Variants in AGAP4 observed in about 807,000 individuals in gnomAD.
AGAP4 encodes the protein arf-GAP with GTPase, ANK repeat and PH domain-containing protein 4.
A neutral mutation model predicts 60.7 loss-of-function variants in AGAP4; 13 were observed. The ratio of observed to expected loss-of-function variants is 0.21; its 90% CI spans 0.14 to 0.34. The LOEUF (loss-of-function observed/expected upper bound fraction) is 0.34. Among genes scored for constraint, AGAP4 ranks in the 10% least tolerant of loss-of-function variants. AGAP4 has a pLI of 1.00. For missense variants in AGAP4, 169 were observed against 884.0 expected (o/e 0.19, Z 10.26); for synonymous variants, 70 against 339.0 (o/e 0.21, Z 8.72).
At position 45,830,470 on chromosome 10, in the gene AGAP4, C is replaced by T. The variant is rs575520410; in HGVS notation, c.533+924G>A. On this transcript the variant is annotated intron_variant, in intron 6 of 7. Coordinates refer to ENST00000616763, the MANE Select transcript of AGAP4 (RefSeq NM_001276343.3). The stretch of plus-strand genomic sequence containing the variant: ...TACAGGTGTGAACCACTGCGCCCCA[C>T]CAGCTTATTGCTTTTTTTGTTTGTT... 6.9e-3 allele frequency among the ~76,000 whole-genome samples: 724 copies of T among 105,338 alleles called. 84 individuals are homozygous for T. The highest frequency in any genetic ancestry group is 0.01 in the Non-Finnish European group (505 of 49,640). 69.1% of individuals were successfully genotyped at this position (105,338 alleles called of 152,430 possible). A position where few individuals can be genotyped will look rare whatever the true frequency, so the allele number is the denominator to read the frequency against.
At chr10:45,848,241 AC>A (rs1226499993), upstream of AGAP4, among the ~76,000 whole-genome samples, 1 of 136,464 alleles carries the variant, frequency 7.3e-6, no homozygotes, top group African/African-American at 2.8e-5. Flanking sequence ...ACACCTTAGG[AC>A]CCATCCTGCC....
At chr10:45,847,992 T>G (rs1156972784), upstream of AGAP4, 284,005 of 1,011,588 alleles carry the variant, frequency 0.28, 41,125 homozygotes, top group South Asian at 0.52. Context: ...CTTGAAGCCA[T>G]CTTCCTCTAT....
Position 45,847,434 on chromosome 10 carries a change from G to A in AGAP4, c.-87C>T. The stretch of plus-strand genomic sequence containing the variant: ...CGCTGTCCTAGGCCGAGGCTATGCT[G>A]CACTTGCAGAGATGGTCTTCCCGCT... On this transcript the variant is annotated 5_prime_UTR_variant, in exon 1 of 8. Transcript: ENST00000616763. The A allele has an allele frequency of 6.5e-7, 1 of 1,534,014 alleles. No individual in the cohort carries two copies. Among genetic ancestry groups the A allele is most frequent in the Non-Finnish European group, 8.7e-7 (1 of 1,146,270 alleles).
chr10:45,842,681 C>T (rs782411204), intron 3 of AGAP4, among the ~76,000 whole-genome samples: 38,824 of 141,998 alleles, frequency 0.27, 4,833 homozygotes, highest in East Asian at 0.37. Flanking sequence ...TTGTTTCCTA[C>T]ACTGCCTCTG....
upstream of AGAP4, among the ~76,000 whole-genome samples, chr10:45,852,217 T>TAAAAAAAAAAAAAAAAAAAAAAA (rs781889843): frequency 1.1e-5 from 1 of 91,736 alleles, no homozygotes; most frequent in African/African-American, 5.5e-5. Flanking sequence ...GGCCAGACTT[T>TAAAAAAAAAAAAAAAAAAAAAAA]AAAAAAAAAA....
chr10:45,848,816 G>A (rs2059041060), upstream of AGAP4: 1 of 151,852 alleles, frequency 6.6e-6, no homozygotes, highest in Admixed American at 6.6e-5. Context: ...AATCATGGCA[G>A]AGGGGGAAGT....
Position 45,833,997 on chromosome 10 carries a change from G to T in AGAP4, c.497+19C>A. Reference sequence around the variant, plus strand: ...TTAGAATAAAGGAATCTGTCCCTCGGCAGCATAGTTGTACTCACGATATTA... The same window carrying T: ...TTAGAATAAAGGAATCTGTCCCTCGTCAGCATAGTTGTACTCACGATATTA... On this transcript the variant is annotated intron_variant, in intron 5 of 7. Coordinates refer to ENST00000616763, the MANE Select transcript of AGAP4 (RefSeq NM_001276343.3). 1 of 1,414,602 alleles carries T rather than the reference G, an allele frequency of 7.1e-7. No homozygotes were observed. Among genetic ancestry groups the T allele is most frequent in the Non-Finnish European group, 9.7e-7 (1 of 1,028,464 alleles). The allele number at this position is 1,414,602 out of a possible 1,614,324, so 87.6% of individuals were successfully genotyped here. A position where few individuals can be genotyped will look rare whatever the true frequency, so the allele number is the denominator to read the frequency against.
intron 4 of AGAP4, among the ~76,000 whole-genome samples, chr10:45,838,714 G>C (rs1554898264): frequency 6.6e-6 from 1 of 151,414 alleles, no homozygotes; most frequent in Non-Finnish European, 1.5e-5. Context: ...AATACGAAAG[G>C]CGCATGCCAC....
upstream of AGAP4, among the ~76,000 whole-genome samples, chr10:45,850,153 T>C (rs1197616863): frequency 6.6e-6 from 1 of 151,718 alleles, no homozygotes. Context: ...GATCTCGAAC[T>C]CCTGACCTCA....
chr10:45,853,689 G>A, exon 1 of AGAP4: 1 of 1,287,754 alleles, frequency 7.8e-7, no homozygotes, highest in Non-Finnish European at 1.0e-6. Flanking sequence ...GAAGCCCTTT[G>A]GATGTTGGTC....
At chr10:45,849,282 C>G (rs1266761976), upstream of AGAP4, among the ~76,000 whole-genome samples, 1 of 151,596 alleles carries the variant, frequency 6.6e-6, no homozygotes, top group Non-Finnish European at 1.5e-5. Context: ...CTGAATATCA[C>G]AAGAACAGCA....
upstream of AGAP4, among the ~76,000 whole-genome samples, chr10:45,851,160 G>T (rs1302199395): frequency 5.7e-4 from 86 of 152,048 alleles, 1 homozygote; most frequent in African/African-American, 2.1e-3. Context: ...AGCCATGGGT[G>T]TGGAGGTGAC....
intron 6 of AGAP4, among the ~76,000 whole-genome samples, chr10:45,828,613 C>A (rs2058682307): frequency 6.9e-6 from 1 of 145,682 alleles, no homozygotes; most frequent in Non-Finnish European, 1.5e-5. Context: ...ACCAGTGGTT[C>A]TCCAAATGTG....
Position 45,844,324 on chromosome 10 carries a change from A to C in AGAP4, c.361+2T>G. Reference sequence around the variant, plus strand: ...TTGGTGGAAAAAACAATGTCGTCTCACCATCTGTTTGAGAGTTCCTCTGGA... The same window carrying C: ...TTGGTGGAAAAAACAATGTCGTCTCCCCATCTGTTTGAGAGTTCCTCTGGA... On this transcript the variant is annotated splice_donor_variant, in intron 3 of 7. Transcript: ENST00000616763. LOFTEE classifies it high-confidence loss of function. 1 of 1,594,552 alleles carries C rather than the reference A, an allele frequency of 6.3e-7. No homozygotes were observed. Among genetic ancestry groups the C allele is most frequent in the Non-Finnish European group, 8.5e-7 (1 of 1,179,668 alleles).
upstream of AGAP4, among the ~76,000 whole-genome samples, chr10:45,849,317 A>G (rs1554900047): frequency 6.6e-6 from 1 of 151,708 alleles, no homozygotes; most frequent in African/African-American, 2.4e-5. Context: ...CCCGTGATCC[A>G]ATCACCTCCC....
chr10:45,846,177 TAAGA>T (rs1253636991), intron 2 of AGAP4, among the ~76,000 whole-genome samples: 17,224 of 151,508 alleles, frequency 0.11, 1,070 homozygotes, highest in Non-Finnish European at 0.14. Flanking sequence ...TCTGTTAAAG[TAAGA>T]ACTTTAACAG....
chr10:45,852,217 TAAAAAAAAAAA>T (rs781889843), upstream of AGAP4, among the ~76,000 whole-genome samples: 42 of 91,716 alleles, frequency 4.6e-4, no homozygotes, highest in Middle Eastern at 5.7e-3. Context: ...GGCCAGACTT[TAAAAAAAAAAA>T]AAAAAAAAAA....
rs1225093595 is a variant in AGAP4, at chr10:45,827,294, C to A, written c.682G>T (p.Asp228Tyr). The A allele has an allele frequency of 5.1e-6, 8 of 1,580,182 alleles. No individual in the cohort carries two copies. In the African/African-American group the frequency reaches 1.2e-4, roughly 24 times the overall value. ...GTGGGAGGAACACTGAACTGAGGGT[C>A]CTCCTGGCTGGTGCTGGGAGTCGAT... The part of the protein sequence containing the change: ...IPSTPSTSQE[D>Y]PQFSVPPTAN... Residue 228 changes from aspartate (D) to tyrosine (Y), a missense_variant, in exon 8 of 8, where the codon GAC becomes TAC. Transcript: ENST00000616763.
At chr10:45,849,495 AT>A (rs2059055853), upstream of AGAP4, among the ~76,000 whole-genome samples, 1 of 150,946 alleles carries the variant, frequency 6.6e-6, no homozygotes, top group Non-Finnish European at 1.5e-5. Context: ...TATTATTATT[AT>A]TATTTTGAGA....
Sources: gnomAD v4.1 joint callset for allele counts (sites outside exome capture counted in the v4.1 genomes callset) on GRCh38, gnomAD v4.1.1 for gene constraint, MANE v1.5 for transcripts, NCBI Gene and HGNC (gene_info 2026-07-23, HGNC 2026-07-21) for gene names.